LCORL: variants seen among roughly 807,000 people sequenced by gnomAD.
The protein encoded by LCORL is ligand-dependent nuclear receptor corepressor-like protein.
LCORL carries 41 observed loss-of-function variants against 141.8 expected under a neutral mutation model. The ratio of observed to expected loss-of-function variants is 0.29; its 90% CI spans 0.23 to 0.38. LCORL has a LOEUF of 0.38. Ranked by LOEUF, LCORL falls within the 10% of genes least tolerant of loss-of-function variation. The pLI is 1.00. For synonymous variants in LCORL, 618 were observed against 694.1 expected (o/e 0.89, Z 1.72); for missense variants, 1,759 against 2,035.0 (o/e 0.86, Z 2.61).
exon 8 of LCORL, chr4:17,842,562 G>A (rs1354736606): frequency 5.4e-6 from 3 of 551,486 alleles, no homozygotes; most frequent in African/African-American, 1.9e-5. Context: ...TTCTTACGGC[G>A]TGTTTGCTTT....
chr4:17,885,096 T>C (rs1489214149), intron 6 of LCORL, among the ~76,000 whole-genome samples: 1 of 151,902 alleles, frequency 6.6e-6, no homozygotes, highest in African/African-American at 2.4e-5. Flanking sequence ...TAGAGCTCCA[T>C]TATAAAAAGT....
chr4:17,889,485 TA>T (rs1728773345), intron 5 of LCORL, among the ~76,000 whole-genome samples: 1 of 152,134 alleles, frequency 6.6e-6, no homozygotes, highest in Non-Finnish European at 1.5e-5. Flanking sequence ...ACAAAATACA[TA>T]AATATGTAAT....
At chr4:17,934,439 T>C (rs889310737) in intron 4 of LCORL, among the ~76,000 whole-genome samples, 2 of 152,118 alleles carry the variant, frequency 1.3e-5, no homozygotes, top group African/African-American at 4.8e-5. Context: ...TATTATTTGA[T>C]TTCATGTTTT....
chr4:17,994,209 A>T (rs549090420), intron 1 of LCORL, among the ~76,000 whole-genome samples: 6 of 152,332 alleles, frequency 3.9e-5, no homozygotes, highest in Non-Finnish European at 7.4e-5. Flanking sequence ...AAATATTTTT[A>T]AATTACCATT....
chr4:17,898,898 T>C (rs1413156798), intron 5 of LCORL, among the ~76,000 whole-genome samples: 1 of 152,204 alleles, frequency 6.6e-6, no homozygotes, highest in Non-Finnish European at 1.5e-5. Flanking sequence ...ATACTGTCAA[T>C]GCCTCCATAA....
At chr4:17,939,993 C>CA (rs966058533) in intron 4 of LCORL, among the ~76,000 whole-genome samples, 4 of 149,304 alleles carry the variant, frequency 2.7e-5, no homozygotes, top group Non-Finnish European at 5.9e-5. Context: ...ACTATATATG[C>CA]ATATATACAC....
chr4:17,928,935 T>C (rs751922599), intron 4 of LCORL, among the ~76,000 whole-genome samples: 2 of 152,064 alleles, frequency 1.3e-5, no homozygotes, highest in East Asian at 1.9e-4. Flanking sequence ...TAAGAACTAA[T>C]AGTCAAGTTC....
rs573370097 is a variant in LCORL, at chr4:17,934,394, TAAAAC to T, written c.431-25054_431-25050del. On this transcript the variant is annotated intron_variant, in intron 4 of 7. Coordinates refer to ENST00000635767, the Ensembl canonical transcript of LCORL. ...TAGATCTGTTCTAGTAATTGAAAAT[TAAAAC>T]AAAACAAAAAATTGAATTAAGTGAA... 7.2e-5 allele frequency among the ~76,000 whole-genome samples: 11 copies of T among 152,234 alleles called. 1 individual carries two copies. In the South Asian group the frequency reaches 2.1e-3, roughly 29 times the overall value.
intron 1 of LCORL, among the ~76,000 whole-genome samples, chr4:18,001,918 T>C (rs1038251257): frequency 9.2e-5 from 14 of 152,304 alleles, no homozygotes; most frequent in East Asian, 7.7e-4. Flanking sequence ...TATATGGAAA[T>C]AGACAGTCCT....
intron 7 of LCORL, among the ~76,000 whole-genome samples, chr4:17,862,990 T>TATAAC (rs61504083): frequency 0.24 from 35,966 of 151,896 alleles, 5,336 homozygotes; most frequent in African/African-American, 0.41. Flanking sequence ...AAGATGAACT[T>TATAAC]AATTAATAAG....
At chr4:17,876,003 G>A (rs1196394077) in exon 7 of LCORL, 3 of 1,230,996 alleles carry the variant, frequency 2.4e-6, no homozygotes, top group Non-Finnish European at 3.0e-6. Flanking sequence ...GTGATGGGTT[G>A]TAGGTTTTTC....
At chr4:17,972,286 C>T (rs1278547984) in intron 2 of LCORL, among the ~76,000 whole-genome samples, 1 of 151,740 alleles carries the variant, frequency 6.6e-6, no homozygotes, top group Non-Finnish European at 1.5e-5. Flanking sequence ...CATGTCCTAA[C>T]AAAAACAAAT....
chr4:17,911,238 A>G (rs965390272), intron 4 of LCORL, among the ~76,000 whole-genome samples: 2 of 152,240 alleles, frequency 1.3e-5, no homozygotes, highest in African/African-American at 2.4e-5. Flanking sequence ...ATGACAAAAA[A>G]AAAGATGCAG....
At chr4:17,964,345 A>G (rs1180420439) in intron 2 of LCORL, among the ~76,000 whole-genome samples, 2 of 152,144 alleles carry the variant, frequency 1.3e-5, no homozygotes, top group Non-Finnish European at 2.9e-5. Context: ...GGATCACATC[A>G]TCTAACTTAT....
At chr4:17,893,145 C>T (rs887243393) in intron 5 of LCORL, 1 of 153,438 alleles carries the variant, frequency 6.5e-6, no homozygotes, top group Non-Finnish European at 1.4e-5. Context: ...CAGTGTCAAC[C>T]CTGATGCTCC....
At chr4:17,877,986 A>G in exon 7 of LCORL, 2 of 1,230,666 alleles carry the variant, frequency 1.6e-6, no homozygotes, top group Non-Finnish European at 2.0e-6. Context: ...ACTACAGAAC[A>G]GACCACATAA....
At chr4:17,877,172 C>T in exon 7 of LCORL, 2 of 1,230,642 alleles carry the variant, frequency 1.6e-6, no homozygotes, top group Non-Finnish European at 2.0e-6. Flanking sequence ...TTTCTTGACG[C>T]TTTCGAAATC....
rs1725017174 is a variant in LCORL at position 17,861,558 on chromosome 4, C to T, written c.5602+11830G>A. On this transcript the variant is annotated intron_variant, in intron 7 of 7. Transcript: ENST00000635767. ...CTCTACCATGCCTTTGAGACATTTT[C>T]CCTGTTGGCTTGGAGATTAACGTGT... Among the ~76,000 whole-genome samples, 20 of 152,176 alleles carry T rather than the reference C, an allele frequency of 1.3e-4. 1 individual carries two copies. Among genetic ancestry groups the T allele is most frequent in the Admixed American group, 1.3e-3 (20 of 15,278 alleles).
intron 4 of LCORL, among the ~76,000 whole-genome samples, chr4:17,940,772 T>C (rs919821271): frequency 1.3e-5 from 2 of 148,660 alleles, no homozygotes; most frequent in Non-Finnish European, 2.9e-5. Flanking sequence ...TTCAAGTTCA[T>C]GGACCCATGA....
Sources: gnomAD v4.1 joint callset for allele counts (sites outside exome capture counted in the v4.1 genomes callset) on GRCh38, gnomAD v4.1.1 for gene constraint, MANE v1.5 for transcripts, NCBI Gene and HGNC (gene_info 2026-07-23, HGNC 2026-07-21) for gene names.